Variants in SLC36A2 observed in about 807,000 individuals in gnomAD.
SLC36A2 encodes solute carrier family 36 member 2.
A neutral mutation model predicts 42.7 loss-of-function variants in SLC36A2; 39 were observed. The observed-to-expected ratio is 0.91, with a 90% CI of 0.71 to 1.19. SLC36A2 has a LOEUF of 1.19. SLC36A2 is among the 50% of genes most tolerant of loss of function. SLC36A2 has a pLI of 0.00. For synonymous variants in SLC36A2, 237 were observed against 240.8 expected, an observed-to-expected ratio of 0.98 and a Z score of 0.15; for missense variants, 590 against 613.7, an observed-to-expected ratio of 0.96 and a Z score of 0.41.
intron 9 of SLC36A2, 193 bp downstream of exon 9, chr5:151,321,853 T>G: frequency 1.7e-6 from 1 of 606,058 alleles, no homozygotes; most frequent in Non-Finnish European, 2.9e-6. Context: ...AATTGTTGTA[T>G]TTTTAGTAGA....
intron 5 of SLC36A2, 153 bp downstream of exon 5, chr5:151,338,907 A>G (rs755711947): frequency 1.6e-6 from 1 of 641,774 alleles, no homozygotes; most frequent in Non-Finnish European, 3.0e-6. Flanking sequence ...ATCTTCAGAT[A>G]TGTGAACTAG....
chr5:151,314,996 C>T lies in SLC36A2; in HGVS notation c.*1821G>A, dbSNP rs186830631. On this transcript the variant is annotated 3_prime_UTR_variant, in exon 10 of 10. Coordinates refer to ENST00000335244, the MANE Select transcript of SLC36A2 (RefSeq NM_181776.3). ...CTTTATGTATTAAAATTACAAACAT[C>T]TTTATTATTTATCACAGTTCTGTGG... The T allele has an allele frequency of 6.5e-6, 1 of 152,758 alleles. No homozygotes were observed. Among genetic ancestry groups the T allele is most frequent in the Admixed American group, 6.5e-5 (1 of 15,302 alleles). The allele number at this position is 152,758 out of a possible 1,614,324, so 9.5% of individuals were successfully genotyped here.
chr5:151,317,164 C>T, intron 9 of SLC36A2, 76 bp from the exon 10 acceptor site: 1 of 1,554,662 alleles, frequency 6.4e-7, no homozygotes, highest in South Asian at 1.2e-5. Flanking sequence ...TTAAAGTCCT[C>T]TTCTTGGCCA....
rs1755470088 is a variant in SLC36A2, at chr5:151,315,632, AAC to A, written c.*1183_*1184del. The stretch of plus-strand genomic sequence containing the variant: ...ACAGAGCGAGACTTCATCTCAAAAA[AAC>A]AAAACACAAAACAAAACCGACAAAC... On this transcript the variant is annotated 3_prime_UTR_variant, in exon 10 of 10. Coordinates refer to ENST00000335244, the MANE Select transcript of SLC36A2 (RefSeq NM_181776.3). 1 of 152,288 alleles carries A rather than the reference AAC, an allele frequency of 6.6e-6. No individual in the cohort carries two copies. The highest frequency in any genetic ancestry group is 1.5e-5 in the Non-Finnish European group (1 of 68,094). 9.4% of individuals were successfully genotyped at this position (152,288 alleles called of 1,614,324 possible).
At chr5:151,343,677 A>G (rs766672680) in intron 2 of SLC36A2, 79 bp from the exon 3 acceptor site, 35 of 1,304,346 alleles carry the variant, frequency 2.7e-5, no homozygotes, top group Non-Finnish European at 3.7e-5. Context: ...TGGGCTTGGT[A>G]GTGCTGATAT....
At chr5:151,336,964 A>G (rs940281878) in intron 5 of SLC36A2, among the ~76,000 whole-genome samples, 8 of 152,126 alleles carry the variant, frequency 5.3e-5, no homozygotes, top group East Asian at 3.8e-4. Flanking sequence ...CATTCTTTTT[A>G]TTTTACAAGA....
At position 151,334,299 on chromosome 5, in the gene SLC36A2, T is replaced by TC. The variant is rs558570434; in HGVS notation, c.745-978dup. Among the ~76,000 whole-genome samples the TC allele has an allele frequency of 6.6e-5, 10 of 152,350 alleles. No individual in the cohort carries two copies. In the South Asian group the frequency reaches 2.1e-3, roughly 32 times the overall value. ...ATTTCACGGACAATGTAACTTTTTT[T>TC]CTCTTGTGGCTTCTTAAAGGGAAGA... is the stretch of plus-strand genomic sequence containing the variant. On this transcript the variant is annotated intron_variant, in intron 6 of 9. Transcript: ENST00000335244.
At chr5:151,325,083 G>C (rs1449504188) in intron 8 of SLC36A2, 3 of 668,266 alleles carry the variant, frequency 4.5e-6, no homozygotes, top group African/African-American at 1.8e-5. Flanking sequence ...AGATGTCAAG[G>C]CTTAACTCAA....
intron 5 of SLC36A2, 38 bp from the exon 6 acceptor site, chr5:151,335,585 T>G: frequency 2.1e-6 from 3 of 1,437,382 alleles, no homozygotes; most frequent in Non-Finnish European, 2.9e-6. Context: ...GGGGAGATGA[T>G]GAGTCTTCTA....
chr5:151,344,272 A>C lies in SLC36A2; in HGVS notation c.165-5T>G. On this transcript the variant is annotated splice_polypyrimidine_tract_variant and splice_region_variant and intron_variant, in intron 1 of 9. Transcript: ENST00000335244. ...TGAATCAAGGCCTGGAACACTCTAA[A>C]GGAGAGGAAGGAGATGTGAAGTATG... The C allele has an allele frequency of 1.2e-6, 2 of 1,609,002 alleles. No individual in the cohort carries two copies. Among genetic ancestry groups the C allele is most frequent in the Admixed American group, 1.7e-5 (1 of 59,858 alleles).
chr5:151,319,457 G>T, intron 9 of SLC36A2: 1 of 155,084 alleles, frequency 6.4e-6, no homozygotes, highest in South Asian at 1.8e-4. Context: ...AGCTGCTGCA[G>T]GCCAAGATGC....
intron 9 of SLC36A2, 182 bp downstream of exon 9, chr5:151,321,864 G>A: frequency 1.5e-6 from 1 of 652,512 alleles, no homozygotes; most frequent in South Asian, 1.7e-5. Flanking sequence ...TTTTAGTAGA[G>A]ACAGGGTTTC....
In SLC36A2 at chr5:151,316,569, C is replaced by T. The variant is rs1372820397; in HGVS notation, c.*248G>A. The T allele has an allele frequency of 1.2e-5, 5 of 432,708 alleles. No individual in the cohort carries two copies. The highest frequency in any genetic ancestry group is 2.1e-5 in the Non-Finnish European group (5 of 239,932). The allele number at this position is 432,708 out of a possible 1,614,324, so 26.8% of individuals were successfully genotyped here. On this transcript the variant is annotated 3_prime_UTR_variant, in exon 10 of 10. Coordinates refer to ENST00000335244, the MANE Select transcript of SLC36A2 (RefSeq NM_181776.3). The stretch of plus-strand genomic sequence containing the variant: ...CAGCCTGACCAACATGGAGAAACCC[C>T]GTCTCTACTAAAAATACAAAATTAG...
chr5:151,337,821 A>G lies in SLC36A2; in HGVS notation c.525+1239T>C, dbSNP rs140599019. 3.0e-3 allele frequency among the ~76,000 whole-genome samples: 454 copies of G among 152,360 alleles called. 2 individuals carry two copies. The highest frequency in any genetic ancestry group is 0.01 in the African/African-American group (432 of 41,580). ...ATATTATGAAACTATTAAAAATTAC[A>G]TGACTAAATATAAGGATATTGCAAA... On this transcript the variant is annotated intron_variant, in intron 5 of 9. Coordinates refer to ENST00000335244, the MANE Select transcript of SLC36A2 (RefSeq NM_181776.3).
intron 9 of SLC36A2, among the ~76,000 whole-genome samples, chr5:151,318,767 AAAG>A (rs1437083661): frequency 6.6e-6 from 1 of 151,992 alleles, no homozygotes. Context: ...AGGTGTCTTT[AAAG>A]AAGTGTCTTC....
Position 151,316,663 on chromosome 5 carries a change from C to G in SLC36A2, c.*154G>C. On this transcript the variant is annotated 3_prime_UTR_variant, in exon 10 of 10. Coordinates refer to ENST00000335244, the MANE Select transcript of SLC36A2 (RefSeq NM_181776.3). ...GCTGAGGCAGGAGAATCGCTTGAAC[C>G]CAGGAGGCCGAAGTTGTGGTGAGCT... The G allele has an allele frequency of 1.0e-6, 1 of 953,286 alleles. No homozygotes were observed. The highest frequency in any genetic ancestry group is 2.7e-5 in the East Asian group (1 of 36,564). The allele number at this position is 953,286 out of a possible 1,614,324, so 59.1% of individuals were successfully genotyped here.
At chr5:151,347,232 GGTTTT>G (rs1756520973) in intron 1 of SLC36A2, 60 bp downstream of exon 1, 1 of 1,597,116 alleles carries the variant, frequency 6.3e-7, no homozygotes, top group African/African-American at 1.3e-5. Context: ...CCCACCTCAG[GGTTTT>G]TGCCAATGCA....
chr5:151,315,745 G>A lies in SLC36A2; in HGVS notation c.*1072C>T, dbSNP rs1175818192. On this transcript the variant is annotated 3_prime_UTR_variant, in exon 10 of 10. Coordinates refer to ENST00000335244, the MANE Select transcript of SLC36A2 (RefSeq NM_181776.3). ...AGTCACATTATCACGAGGAATTTATGGTCATTTTTGCAATATTCTACAAAA... is the reference window on the plus strand; with the variant it reads ...AGTCACATTATCACGAGGAATTTATAGTCATTTTTGCAATATTCTACAAAA... 1.3e-5 allele frequency: 2 copies of A among 152,094 alleles called. No individual in the cohort carries two copies. The highest frequency in any genetic ancestry group is 2.9e-5 in the Non-Finnish European group (2 of 68,002). 9.4% of individuals were successfully genotyped at this position (152,094 alleles called of 1,614,324 possible).
chr5:151,321,345 CTT>C (rs1163117468), intron 9 of SLC36A2, among the ~76,000 whole-genome samples: 9 of 43,202 alleles, frequency 2.1e-4, no homozygotes, highest in Admixed American at 3.5e-4. Context: ...TCTTTTCTTT[CTT>C]TTTTTTTTTT....
Sources: gnomAD v4.1 joint callset for allele counts (sites outside exome capture counted in the v4.1 genomes callset) on GRCh38, gnomAD v4.1.1 for gene constraint, MANE v1.5 for transcripts, NCBI Gene and HGNC (gene_info 2026-07-23, HGNC 2026-07-21) for gene names.